GLE1: variants seen among roughly 807,000 people sequenced by gnomAD.
GLE1 encodes the protein GLE1 RNA export mediator, also known as mRNA export factor GLE1.
Under a neutral mutation model 97.3 loss-of-function variants are expected in GLE1, and 78 were observed. The ratio of observed to expected loss-of-function variants is 0.80; its 90% CI spans 0.67 to 0.97. The LOEUF (loss-of-function observed/expected upper bound fraction) is 0.97. GLE1 is among the 50% of genes least tolerant of loss of function. GLE1 has a pLI of 0.00. For synonymous variants in GLE1, 302 were observed against 313.4 expected, an observed-to-expected ratio of 0.96 and a Z score of 0.39; for missense variants, 753 against 857.5, an observed-to-expected ratio of 0.88 and a Z score of 1.52.
rs1187880185 is a variant in GLE1, at chr9:128,533,828, G to A, written c.1523G>A (p.Gly508Glu). 11 of 1,613,814 alleles carry A rather than the reference G, an allele frequency of 6.8e-6. No individual in the cohort carries two copies. Among genetic ancestry groups the A allele is most frequent in the Non-Finnish European group, 9.3e-6 (11 of 1,179,744 alleles). Residue 508 changes from glycine to glutamate, a missense_variant, in exon 11 of 16, where the codon GGG becomes GAG. Gly to Glu is a moderately conservative substitution (Grantham distance 98). Transcript: ENST00000309971. Reference sequence around the variant, plus strand: ...TTCCCCATTGCAGTTGTGGCATCCGGGATCTGGGAGCTCCACCCCAGAGTG... The same window carrying A: ...TTCCCCATTGCAGTTGTGGCATCCGAGATCTGGGAGCTCCACCCCAGAGTG... ...AAFPIAVVAS[G>E]IWELHPRVGD...
intron 9 of GLE1, among the ~76,000 whole-genome samples, chr9:128,533,082 T>C (rs899005977): frequency 6.6e-6 from 1 of 152,152 alleles, no homozygotes; most frequent in Non-Finnish European, 1.5e-5. Flanking sequence ...TATCCCTTCA[T>C]TTCTGTAGGG....
intron 2 of GLE1, among the ~76,000 whole-genome samples, chr9:128,514,554 C>T (rs956122569): frequency 5.9e-5 from 9 of 151,492 alleles, no homozygotes; most frequent in Admixed American, 3.9e-4. Context: ...GCCATTCTCC[C>T]GCCTCAGCCT....
At chr9:128,532,209 C>CTTTTT (rs1160924908) in intron 9 of GLE1, among the ~76,000 whole-genome samples, 1 of 49,358 alleles carries the variant, frequency 2.0e-5, no homozygotes, top group African/African-American at 7.7e-5. Flanking sequence ...ATCTGCTTTG[C>CTTTTT]TTTTTTTTTT....
intron 7 of GLE1, among the ~76,000 whole-genome samples, 158 bp downstream of exon 7, chr9:128,525,581 C>T (rs970654280): frequency 9.2e-5 from 14 of 152,174 alleles, no homozygotes; most frequent in Non-Finnish European, 1.5e-4. Flanking sequence ...GTCTGATTTA[C>T]GATTCCAACA....
chr9:128,509,958 CA>C (rs11307913), intron 2 of GLE1, among the ~76,000 whole-genome samples: 97,798 of 151,892 alleles, frequency 0.64, 34,414 homozygotes, highest in Non-Finnish European at 0.79. Flanking sequence ...GTCCCTATCT[CA>C]AAAAAAAGTT....
rs186428027 is a variant in GLE1, at chr9:128,518,169, T to C, written c.432+2530T>C. Among the ~76,000 whole-genome samples the C allele has an allele frequency of 1.9e-3, 290 of 152,112 alleles. 3 individuals carry two copies. The highest frequency in any genetic ancestry group is 0.018 in the Admixed American group (276 of 15,258). Reference sequence around the variant, plus strand: ...CGTGCCTGGCCTATTTTTTTTTTTTTCCGTATTCTGTTAGTCACGGTAGTC... The same window carrying C: ...CGTGCCTGGCCTATTTTTTTTTTTTCCCGTATTCTGTTAGTCACGGTAGTC... On this transcript the variant is annotated intron_variant, in intron 3 of 15. Transcript: ENST00000309971.
intron 1 of GLE1, among the ~76,000 whole-genome samples, chr9:128,508,598 CT>C (rs954061882): frequency 6.6e-6 from 1 of 152,134 alleles, no homozygotes; most frequent in African/African-American, 2.4e-5. Context: ...CTGTTCAGTG[CT>C]TTAGATTGCT....
chr9:128,511,947 G>T (rs1236873557), intron 2 of GLE1, among the ~76,000 whole-genome samples: 1 of 152,046 alleles, frequency 6.6e-6, no homozygotes, highest in Non-Finnish European at 1.5e-5. Context: ...GAGTAGCTGG[G>T]ATTATAGGCG....
At chr9:128,523,508 T>G in intron 5 of GLE1, 84 bp from the exon 6 acceptor site, 1 of 1,551,382 alleles carries the variant, frequency 6.4e-7, no homozygotes, top group Non-Finnish European at 8.9e-7. Context: ...TGTGAAAATA[T>G]GTAGCCCACG....
chr9:128,530,254 A>G (rs991208714), intron 9 of GLE1, among the ~76,000 whole-genome samples: 4 of 152,150 alleles, frequency 2.6e-5, no homozygotes, highest in African/African-American at 9.7e-5. Flanking sequence ...ATCTCTGCCT[A>G]TATGTCTCTT....
In GLE1 at chr9:128,519,836, G is replaced by A. The variant is rs956720645; in HGVS notation, c.433-2832G>A. ...CTTGTGGGGCATCACAGAACCTACC[G>A]ACATGTGATGTCTCCCCCGGATGCC... On this transcript the variant is annotated intron_variant, in intron 3 of 15. Transcript: ENST00000309971. 4.5e-4 allele frequency among the ~76,000 whole-genome samples: 68 copies of A among 152,202 alleles called. 2 individuals are homozygous for A. The highest frequency in any genetic ancestry group is 2.7e-3 in the Admixed American group (41 of 15,256).
chr9:128,512,457 A>G (rs989713464), intron 2 of GLE1, among the ~76,000 whole-genome samples: 1 of 152,176 alleles, frequency 6.6e-6, no homozygotes, highest in East Asian at 1.9e-4. Context: ...TGAAAAGTAC[A>G]TGCGACCTTC....
intron 9 of GLE1, chr9:128,532,646 C>T (rs1847556647): frequency 2.2e-6 from 2 of 907,720 alleles, no homozygotes; most frequent in Admixed American, 6.2e-5. Flanking sequence ...CTCTCTACAT[C>T]TCCATTCTTA....
At chr9:128,530,977 G>A (rs1421076878) in intron 9 of GLE1, among the ~76,000 whole-genome samples, 1 of 151,898 alleles carries the variant, frequency 6.6e-6, no homozygotes, top group East Asian at 1.9e-4. Flanking sequence ...AGCACTTTGG[G>A]AGGCTGAGGC....
chr9:128,539,875 T>G, intron 14 of GLE1, 177 bp downstream of exon 14: 1 of 1,503,322 alleles, frequency 6.7e-7, no homozygotes, highest in Admixed American at 2.1e-5. Context: ...TTTTGAACCT[T>G]AATGAGAGTC....
chr9:128,509,201 G>A, intron 2 of GLE1, 104 bp downstream of exon 2: 1 of 760,902 alleles, frequency 1.3e-6, no homozygotes, highest in South Asian at 1.4e-5. Flanking sequence ...AATAATGATT[G>A]CTCATTGTTG....
At position 128,525,353 on chromosome 9, in the gene GLE1, G is replaced by A; in HGVS notation, c.1059G>A (p.Met353Ile). 6.2e-7 allele frequency: 1 copy of A among 1,613,614 alleles called. No homozygotes were observed. The highest frequency in any genetic ancestry group is 1.3e-5 in the African/African-American group (1 of 75,062). Residue 353 changes from methionine (M) to isoleucine (I), a missense_variant, in exon 7 of 16, where the codon ATG becomes ATA. Transcript: ENST00000309971. ...EAQVKLQEAQ[M>I]QQGPEAHKEP... The stretch of plus-strand genomic sequence containing the variant: ...AGGTAAAGCTGCAAGAGGCACAGAT[G>A]CAGCAGGGACCAGAGGCCCACAAAG...
chr9:128,515,726 T>C (rs1846966652), intron 3 of GLE1, 87 bp downstream of exon 3: 2 of 746,298 alleles, frequency 2.7e-6, no homozygotes, highest in African/African-American at 3.5e-5. Flanking sequence ...GGGCACTGTA[T>C]GCTACTCATC....
chr9:128,540,857 G>A (rs1847864988), intron 15 of GLE1: 1 of 528,136 alleles, frequency 1.9e-6, no homozygotes, highest in Non-Finnish European at 3.4e-6. Flanking sequence ...TGTGAAAGAT[G>A]AGGTTAGCCT....
Sources: allele counts gnomAD v4.1 joint callset (sites outside exome capture counted in the v4.1 genomes callset), GRCh38; gene constraint gnomAD v4.1.1; transcripts MANE v1.5; gene names NCBI Gene and HGNC (gene_info 2026-07-23, HGNC 2026-07-21).